The following SNX29 variants were observed in gnomAD, a reference collection of about 807,000 sequenced individuals.
SNX29 encodes sorting nexin-29.
A neutral mutation model predicts 102.1 loss-of-function variants in SNX29; 78 were observed. That is an observed-to-expected ratio of 0.76 (90% CI 0.64 to 0.92). The LOEUF is 0.92. Ranked by LOEUF, SNX29 falls within the 40% of genes least tolerant of loss-of-function variation. The pLI is 0.00. For missense variants in SNX29, 1,280 were observed against 1,061.7 expected, an observed-to-expected ratio of 1.21 and a Z score of -2.86; for synonymous variants, 580 against 414.5, an observed-to-expected ratio of 1.40 and a Z score of -4.85.
At chr16:12,529,124 C>T (rs567356539) in intron 20 of SNX29, among the ~76,000 whole-genome samples, 3 of 152,318 alleles carry the variant, frequency 2.0e-5, no homozygotes, top group African/African-American at 7.2e-5. Flanking sequence ...GTCTCTGTGC[C>T]TCCCGTTGCC....
At chr16:12,147,637 G>A (rs958648195) in intron 13 of SNX29, among the ~76,000 whole-genome samples, 11 of 152,186 alleles carry the variant, frequency 7.2e-5, no homozygotes, top group African/African-American at 2.7e-4. Context: ...GGATGTAGCC[G>A]ATCCAAGGAG....
chr16:12,202,536 C>T (rs141793712), intron 14 of SNX29, among the ~76,000 whole-genome samples: 212 of 152,324 alleles, frequency 1.4e-3, no homozygotes, highest in African/African-American at 4.9e-3. Context: ...GCCATATCTA[C>T]CAGGAACTTG....
At chr16:12,083,005 C>G (rs2051985283) in intron 11 of SNX29, among the ~76,000 whole-genome samples, 1 of 152,056 alleles carries the variant, frequency 6.6e-6, no homozygotes, top group African/African-American at 2.4e-5. Flanking sequence ...GCTTCAACAA[C>G]AAAAACTTAT....
chr16:12,238,594 G>A (rs1448271239), intron 14 of SNX29, among the ~76,000 whole-genome samples: 1 of 152,230 alleles, frequency 6.6e-6, no homozygotes, highest in Non-Finnish European at 1.5e-5. Context: ...AGAATGCTGG[G>A]ATTACAGGCT....
rs542677217 is a variant in SNX29, at chr16:12,414,202, G to C, written c.2037+10673G>C. On this transcript the variant is annotated intron_variant, in intron 18 of 20. Transcript: ENST00000566228. ...GCAGAACCCACTGATACGGAGGGCT[G>C]ACTGTATTAAAAATTAAAAATTTGA... Among the ~76,000 whole-genome samples the C allele has an allele frequency of 3.3e-5, 5 of 152,250 alleles. No individual in the cohort carries two copies. In the South Asian group the frequency reaches 1.0e-3, roughly 32 times the overall value.
At chr16:12,412,230 T>G (rs989341838) in intron 18 of SNX29, among the ~76,000 whole-genome samples, 7 of 152,206 alleles carry the variant, frequency 4.6e-5, no homozygotes, top group African/African-American at 1.7e-4. Flanking sequence ...AGGCACTGTT[T>G]TCATGATCCC....
intron 11 of SNX29, among the ~76,000 whole-genome samples, chr16:12,097,332 C>G (rs987217156): frequency 6.6e-6 from 1 of 152,198 alleles, no homozygotes; most frequent in African/African-American, 2.4e-5. Flanking sequence ...GGCTCTTACT[C>G]CGGGAAGAAT....
intron 14 of SNX29, among the ~76,000 whole-genome samples, chr16:12,208,819 C>T (rs75827739): frequency 0.02 from 2,942 of 145,324 alleles, 96 homozygotes; most frequent in African/African-American, 0.07. Context: ...CTAGCTTGGG[C>T]GGTAGAGTGA....
In SNX29 at chr16:12,477,742, T is replaced by A. The variant is rs747205819; in HGVS notation, c.2061T>A (p.Asp687Glu). The change falls in exon 19 of 21, where the codon GAT becomes GAA. Residue 687 changes from aspartate (D) to glutamate (E), a missense_variant. By Grantham distance (45) the Asp-to-Glu change is conservative. Coordinates refer to ENST00000566228, the MANE Select transcript of SNX29 (RefSeq NM_032167.5). ...VYQVYIRIKD[D>E]EWNIYRRYTE... ...AGGTCTACATCCGGATAAAAGACGA[T>A]GAATGGAATATTTATCGCCGGTATA... 2 of 1,612,690 alleles carry A rather than the reference T, an allele frequency of 1.2e-6. No homozygotes were observed. Among genetic ancestry groups the A allele is most frequent in the Admixed American group, 3.4e-5 (2 of 59,460 alleles).
chr16:12,329,620 A>T (rs374999697), intron 15 of SNX29, among the ~76,000 whole-genome samples: 1 of 152,170 alleles, frequency 6.6e-6, no homozygotes, highest in African/African-American at 2.4e-5. Context: ...GCCCTATGCA[A>T]TAAACAGGAG....
chr16:12,566,545 G>A (rs187152241), intron 20 of SNX29, among the ~76,000 whole-genome samples: 1 of 152,204 alleles, frequency 6.6e-6, no homozygotes, highest in African/African-American at 2.4e-5. Context: ...GACAGGAGGG[G>A]GTTGTGAGGG....
intron 10 of SNX29, among the ~76,000 whole-genome samples, chr16:12,074,150 G>C (rs1596779735): frequency 6.6e-6 from 1 of 150,416 alleles, no homozygotes; most frequent in Non-Finnish European, 1.5e-5. Context: ...CTTTTAATTG[G>C]AGCATTTAGT....
intron 11 of SNX29, among the ~76,000 whole-genome samples, chr16:12,118,717 A>G (rs2053847150): frequency 6.6e-6 from 1 of 152,144 alleles, no homozygotes; most frequent in African/African-American, 2.4e-5. Flanking sequence ...TACTGCTCCT[A>G]ATAAATTCAC....
chr16:12,035,476 C>T (rs3975447), intron 4 of SNX29, among the ~76,000 whole-genome samples: 8 of 152,186 alleles, frequency 5.3e-5, no homozygotes, highest in Non-Finnish European at 8.8e-5. Context: ...GGCACTCTTG[C>T]GGCTAGATGG....
chr16:12,172,760 A>G (rs1391244056), intron 13 of SNX29, among the ~76,000 whole-genome samples: 3 of 152,172 alleles, frequency 2.0e-5, no homozygotes, highest in African/African-American at 4.8e-5. Flanking sequence ...GCCATTCTCG[A>G]TTTAAGGGAC....
chr16:12,283,997 G>C (rs2079515701), intron 15 of SNX29, among the ~76,000 whole-genome samples: 2 of 152,328 alleles, frequency 1.3e-5, no homozygotes, highest in South Asian at 4.1e-4. Context: ...CCAAGGTTTT[G>C]AAGATAAGAT....
At chr16:12,037,430 A>G (rs1219348183) in intron 4 of SNX29, among the ~76,000 whole-genome samples, 1 of 152,116 alleles carries the variant, frequency 6.6e-6, no homozygotes, top group Non-Finnish European at 1.5e-5. Flanking sequence ...TGAGACACTC[A>G]CTTTGGCCAC....
chr16:12,450,778 C>G (rs2086267884), intron 18 of SNX29, among the ~76,000 whole-genome samples: 1 of 152,062 alleles, frequency 6.6e-6, no homozygotes, highest in Non-Finnish European at 1.5e-5. Flanking sequence ...AGCTTTAGGC[C>G]AATCATTGTG....
chr16:12,506,574 G>A (rs1393641353), intron 19 of SNX29, among the ~76,000 whole-genome samples: 1 of 152,232 alleles, frequency 6.6e-6, no homozygotes, highest in African/African-American at 2.4e-5. Flanking sequence ...GACTTGAAAA[G>A]GCTTTTGGCT....
Sources: gnomAD v4.1 joint callset for allele counts (sites outside exome capture counted in the v4.1 genomes callset) on GRCh38, gnomAD v4.1.1 for gene constraint, MANE v1.5 for transcripts, NCBI Gene and HGNC (gene_info 2026-07-23, HGNC 2026-07-21) for gene names.